Variants in SMAP1 observed in about 807,000 individuals in gnomAD.
SMAP1 encodes small ArfGAP 1, also known as stromal membrane-associated protein 1.
Under a neutral mutation model 58.5 loss-of-function variants are expected in SMAP1, and 24 were observed. That is an observed-to-expected ratio of 0.41 (90% CI 0.30 to 0.58). SMAP1 has a LOEUF of 0.58. Among genes scored for constraint, SMAP1 ranks in the 20% least tolerant of loss-of-function variants. SMAP1 has a pLI of 0.29. For synonymous variants in SMAP1, 216 were observed against 196.6 expected, an observed-to-expected ratio of 1.10 and a Z score of -0.82; for missense variants, 563 against 566.3, an observed-to-expected ratio of 0.99 and a Z score of 0.06.
intron 9 of SMAP1, 117 bp from the exon 10 acceptor site, chr6:70,857,805 C>A: frequency 8.6e-7 from 1 of 1,167,358 alleles, no homozygotes; most frequent in Non-Finnish European, 1.2e-6. Flanking sequence ...AGCAGCCAAA[C>A]TGGAATTAAA....
chr6:70,844,238 T>C lies in SMAP1; in HGVS notation c.664+7210T>C, dbSNP rs142524828. Among the ~76,000 whole-genome samples the C allele has an allele frequency of 1.8e-3, 279 of 152,344 alleles. 3 individuals are homozygous for C. In the East Asian group the frequency reaches 0.038, roughly 21 times the overall value. On this transcript the variant is annotated intron_variant, in intron 7 of 10. Transcript: ENST00000370455. ...TAAAATGGTGCAGTGATTTGATATA[T>C]ATTTATTTTTTAAACAATCAGTTCT...
chr6:70,842,953 C>CTTGGGAA (rs1770856443), intron 7 of SMAP1, among the ~76,000 whole-genome samples: 1 of 152,072 alleles, frequency 6.6e-6, no homozygotes, highest in African/African-American at 2.4e-5. Flanking sequence ...CCAGGGTACG[C>CTTGGGAA]TTGGTCAGAA....
intron 1 of SMAP1, among the ~76,000 whole-genome samples, chr6:70,696,485 A>G (rs1009514522): frequency 6.6e-6 from 1 of 152,096 alleles, no homozygotes; most frequent in African/African-American, 2.4e-5. Flanking sequence ...ATTTCCTTTT[A>G]AATTTCTTCA....
chr6:70,808,639 G>A lies in SMAP1; in HGVS notation c.576+9902G>A, dbSNP rs372623822. Among the ~76,000 whole-genome samples the A allele has an allele frequency of 9.2e-5, 14 of 152,250 alleles. No homozygotes were observed. The East Asian group carries it at 1.4e-3, about 15-fold the overall frequency. On this transcript the variant is annotated intron_variant, in intron 6 of 10. Transcript: ENST00000370455. ...CTAGAGCCTCTTTTGCCAATACATA[G>A]CTTTAAATTTAGAATTGCTTGTTTC...
At chr6:70,813,495 C>T (rs529187990) in intron 6 of SMAP1, among the ~76,000 whole-genome samples, 4 of 151,828 alleles carry the variant, frequency 2.6e-5, no homozygotes, top group East Asian at 1.9e-4. Flanking sequence ...AATAAACTAC[C>T]GAGAGTAATT....
chr6:70,842,180 A>T (rs1027253567), intron 7 of SMAP1, among the ~76,000 whole-genome samples: 1 of 152,048 alleles, frequency 6.6e-6, no homozygotes. Context: ...AAAATTTTAT[A>T]GTCAAGTTAT....
At chr6:70,852,518 C>A (rs200239074) in intron 7 of SMAP1, 22 bp from the exon 8 acceptor site, 2 of 1,509,754 alleles carry the variant, frequency 1.3e-6, no homozygotes, top group Non-Finnish European at 8.9e-7. Flanking sequence ...TACGTTAAGA[C>A]GAGAATCTAT....
intron 1 of SMAP1, among the ~76,000 whole-genome samples, chr6:70,681,722 T>C (rs1418428435): frequency 1.3e-5 from 2 of 152,218 alleles, no homozygotes; most frequent in African/African-American, 4.8e-5. Context: ...TAATGAGTAC[T>C]TTGAAAACAT....
intron 2 of SMAP1, among the ~76,000 whole-genome samples, chr6:70,747,942 G>T (rs1766112368): frequency 6.6e-6 from 1 of 152,096 alleles, no homozygotes; most frequent in African/African-American, 2.4e-5. Flanking sequence ...AATTTGAATT[G>T]TGTGGTTTAT....
chr6:70,841,704 C>T (rs560250754), intron 7 of SMAP1, among the ~76,000 whole-genome samples: 1 of 152,162 alleles, frequency 6.6e-6, no homozygotes, highest in East Asian at 1.9e-4. Context: ...TTGGGCAAGT[C>T]GATGAGAAAA....
At chr6:70,806,943 C>A (rs1184562208) in intron 6 of SMAP1, among the ~76,000 whole-genome samples, 1 of 152,126 alleles carries the variant, frequency 6.6e-6, no homozygotes, top group Non-Finnish European at 1.5e-5. Context: ...TGGTTTCAAG[C>A]CCTGTGTTGT....
intron 3 of SMAP1, chr6:70,759,798 A>G (rs143910636): frequency 1.1e-4 from 45 of 400,700 alleles, no homozygotes; most frequent in African/African-American, 8.1e-4. Flanking sequence ...ATTGGTGTCT[A>G]TATTGGTAAA....
chr6:70,743,380 G>A (rs1765893562), intron 2 of SMAP1, among the ~76,000 whole-genome samples: 1 of 152,122 alleles, frequency 6.6e-6, no homozygotes, highest in Non-Finnish European at 1.5e-5. Context: ...TTTCTGGGGA[G>A]ATTCTGGGAA....
chr6:70,716,018 G>A (rs1768253149), intron 1 of SMAP1, among the ~76,000 whole-genome samples: 1 of 152,140 alleles, frequency 6.6e-6, no homozygotes, highest in Admixed American at 6.5e-5. Context: ...ACTTCACTTA[G>A]AAAAATGGTC....
At position 70,847,780 on chromosome 6, in the gene SMAP1, G is replaced by A. The variant is rs1342105424; in HGVS notation, c.665-4760G>A. ...CTCCTGCTGCTCCCACCATCATTCCGTAGCTGAGCAAGGTGCATGTCTACG... is the reference window on the plus strand; with the variant it reads ...CTCCTGCTGCTCCCACCATCATTCCATAGCTGAGCAAGGTGCATGTCTACG... On this transcript the variant is annotated intron_variant, in intron 7 of 10. Transcript: ENST00000370455. Among the ~76,000 whole-genome samples the A allele has an allele frequency of 9.2e-5, 14 of 152,040 alleles. 1 individual carries two copies. The highest frequency in any genetic ancestry group is 2.6e-4 in the Admixed American group (4 of 15,256).
intron 1 of SMAP1, among the ~76,000 whole-genome samples, chr6:70,731,619 A>G (rs962372897): frequency 2.6e-5 from 4 of 152,206 alleles, no homozygotes; most frequent in African/African-American, 9.6e-5. Context: ...AATATGCAGT[A>G]TGCTATTATT....
At chr6:70,845,050 GC>G (rs1412430985) in intron 7 of SMAP1, among the ~76,000 whole-genome samples, 2 of 152,166 alleles carry the variant, frequency 1.3e-5, no homozygotes, top group Non-Finnish European at 2.9e-5. Context: ...TTTCATTGTA[GC>G]AAGGGTGTAC....
At chr6:70,760,654 A>G (rs1317615125) in intron 3 of SMAP1, among the ~76,000 whole-genome samples, 1 of 151,942 alleles carries the variant, frequency 6.6e-6, no homozygotes, top group Non-Finnish European at 1.5e-5. Flanking sequence ...CATCTTTCTA[A>G]AGCTCATTGC....
chr6:70,722,259 A>G (rs1022850529), intron 1 of SMAP1, among the ~76,000 whole-genome samples: 2 of 152,180 alleles, frequency 1.3e-5, no homozygotes, highest in African/African-American at 2.4e-5. Context: ...TATATCCCAC[A>G]ATTTGACTTT....
Sources: allele counts gnomAD v4.1 joint callset (sites outside exome capture counted in the v4.1 genomes callset), GRCh38; gene constraint gnomAD v4.1.1; transcripts MANE v1.5; gene names NCBI Gene and HGNC (gene_info 2026-07-23, HGNC 2026-07-21).